The following POU2F1 variants were observed in gnomAD, a reference collection of about 807,000 sequenced individuals.
The protein encoded by POU2F1 is POU domain, class 2, transcription factor 1.
In POU2F1, 16 loss-of-function variants were observed where a neutral mutation model predicts 84.9. That is an observed-to-expected ratio of 0.19 (90% CI 0.13 to 0.29). The LOEUF is 0.29. POU2F1 is among the 10% of genes least tolerant of loss of function. The pLI is 1.00. For synonymous variants in POU2F1, 368 were observed against 368.3 expected (o/e 1.00, Z 0.01); for missense variants, 738 against 942.6 (o/e 0.78, Z 2.84).
chr1:167,400,185 A>G (rs777107032), intron 12 of POU2F1, among the ~76,000 whole-genome samples: 13 of 149,562 alleles, frequency 8.7e-5, no homozygotes, highest in African/African-American at 3.0e-4. Context: ...CCAGGGTTTC[A>G]TCATGTTCTC....
chr1:167,221,601 CG>C (rs953041903), intron 1 of POU2F1, among the ~76,000 whole-genome samples: 1 of 150,406 alleles, frequency 6.6e-6, no homozygotes, highest in African/African-American at 2.4e-5. Context: ...TCAGGGCAAC[CG>C]GGGGTGCGCG....
intron 1 of POU2F1, chr1:167,241,637 A>C (rs1430735936): frequency 6.6e-6 from 1 of 152,054 alleles, no homozygotes; most frequent in Non-Finnish European, 1.5e-5. Flanking sequence ...TTATTACTGT[A>C]CTTGCTTGTT....
At chr1:167,285,700 T>C (rs1179675897) in intron 1 of POU2F1, among the ~76,000 whole-genome samples, 1 of 152,226 alleles carries the variant, frequency 6.6e-6, no homozygotes, top group African/African-American at 2.4e-5. Context: ...GAATTAAATT[T>C]CTTCTCTGCC....
intron 1 of POU2F1, among the ~76,000 whole-genome samples, chr1:167,309,017 A>G (rs1453589689): frequency 6.6e-6 from 1 of 151,938 alleles, no homozygotes; most frequent in African/African-American, 2.4e-5. Context: ...CAGATTGTCT[A>G]AAATTTGGCT....
At chr1:167,345,998 C>CAA (rs34988697) in intron 2 of POU2F1, among the ~76,000 whole-genome samples, 15 of 124,062 alleles carry the variant, frequency 1.2e-4, no homozygotes, top group Non-Finnish European at 1.2e-4. Flanking sequence ...CGCATGTCTA[C>CAA]AAAAAAAAAA....
chr1:167,295,366 A>C (rs1378001883), intron 1 of POU2F1, among the ~76,000 whole-genome samples: 1 of 152,202 alleles, frequency 6.6e-6, no homozygotes, highest in Non-Finnish European at 1.5e-5. Flanking sequence ...GAACAAAATA[A>C]TGTCTTTTGC....
At chr1:167,352,604 A>G (rs1480171270) in intron 2 of POU2F1, among the ~76,000 whole-genome samples, 1 of 152,210 alleles carries the variant, frequency 6.6e-6, no homozygotes, top group Non-Finnish European at 1.5e-5. Context: ...TGGTTATTTC[A>G]GTGGAAGTAT....
At chr1:167,397,362 A>G (rs1648881519) in intron 10 of POU2F1, among the ~76,000 whole-genome samples, 1 of 152,210 alleles carries the variant, frequency 6.6e-6, no homozygotes, top group Non-Finnish European at 1.5e-5. Context: ...TTTTATCCCC[A>G]GAACTTATAA....
In POU2F1 at chr1:167,421,282, T is replaced by C. The variant is rs1263764308; in HGVS notation, c.*5472T>C. ...GCATGGATGGTGTCCACAATACAAA[T>C]GTAAACTTGGACAGGAATAGGATAA... On this transcript the variant is annotated 3_prime_UTR_variant, in exon 16 of 16. Transcript: ENST00000367866. The C allele has an allele frequency of 1.3e-5, 2 of 152,232 alleles. No individual in the cohort carries two copies. Among genetic ancestry groups the C allele is most frequent in the Non-Finnish European group, 2.9e-5 (2 of 68,038 alleles). The allele number at this position is 152,232 out of a possible 1,614,324, so 9.4% of individuals were successfully genotyped here.
intron 1 of POU2F1, among the ~76,000 whole-genome samples, chr1:167,321,750 G>A (rs545354413): frequency 2.6e-5 from 4 of 152,260 alleles, no homozygotes; most frequent in African/African-American, 7.2e-5. Flanking sequence ...CAGGAACTTT[G>A]TCTTTCTACT....
chr1:167,274,944 C>T (rs1280850353), intron 1 of POU2F1, among the ~76,000 whole-genome samples: 1 of 151,572 alleles, frequency 6.6e-6, no homozygotes, highest in African/African-American at 2.4e-5. Context: ...TCTTCTGAAA[C>T]ATACTACTTT....
At chr1:167,352,382 ACTTT>A (rs1202740401) in intron 2 of POU2F1, among the ~76,000 whole-genome samples, 2 of 152,326 alleles carry the variant, frequency 1.3e-5, no homozygotes, top group Non-Finnish European at 1.5e-5. Flanking sequence ...GAATTCTACT[ACTTT>A]GTCATCTTAT....
intron 7 of POU2F1, chr1:167,380,820 T>C (rs1269009164): frequency 2.6e-5 from 4 of 152,210 alleles, no homozygotes; most frequent in Non-Finnish European, 4.4e-5. Flanking sequence ...ATTGCTATGA[T>C]TATATAACTG....
chr1:167,223,631 T>G (rs1006467090), intron 1 of POU2F1, among the ~76,000 whole-genome samples: 2 of 152,180 alleles, frequency 1.3e-5, no homozygotes, highest in Non-Finnish European at 2.9e-5. Flanking sequence ...TGTAACAAAA[T>G]TCTAGGTTTG....
intron 1 of POU2F1, among the ~76,000 whole-genome samples, chr1:167,234,476 A>C (rs35719187): frequency 0.15 from 23,572 of 152,172 alleles, 2,075 homozygotes; most frequent in Non-Finnish European, 0.2. Context: ...TTATGCTTGT[A>C]ATCCCAGCAC....
intron 2 of POU2F1, among the ~76,000 whole-genome samples, chr1:167,335,877 C>T (rs530562165): frequency 6.6e-6 from 1 of 152,294 alleles, no homozygotes; most frequent in East Asian, 1.9e-4. Context: ...CCTAGTTATA[C>T]AGCTGATCAT....
intron 1 of POU2F1, among the ~76,000 whole-genome samples, chr1:167,245,085 T>A (rs924589092): frequency 2.0e-5 from 3 of 152,148 alleles, no homozygotes; most frequent in Non-Finnish European, 2.9e-5. Context: ...TAAAACTTTT[T>A]AAAAAAATCC....
chr1:167,357,801 A>ATT lies in POU2F1; in HGVS notation c.128-7646_128-7645dup, dbSNP rs71572451. 5.0e-3 allele frequency among the ~76,000 whole-genome samples: 597 copies of ATT among 119,206 alleles called. 6 individuals are homozygous for ATT. Among genetic ancestry groups the ATT allele is most frequent in the South Asian group, 0.01 (39 of 3,734 alleles). The allele number at this position is 119,206 out of a possible 152,430, so 78.2% of individuals were successfully genotyped here. A position where few individuals can be genotyped will look rare whatever the true frequency, so the allele number is the denominator to read the frequency against. ...TGAACTTGGTGAATCTTATTAATTG[A>ATT]TTTTTTTTTTTTTTTTTTTTTGAGA... On this transcript the variant is annotated intron_variant, in intron 2 of 15. Transcript: ENST00000367866.
At chr1:167,318,761 TGTGA>T (rs1265527960) in intron 1 of POU2F1, among the ~76,000 whole-genome samples, 2 of 152,202 alleles carry the variant, frequency 1.3e-5, no homozygotes, top group African/African-American at 4.8e-5. Context: ...TCTTTTCTCA[TGTGA>T]GTGAGATGGG....
Sources: gnomAD v4.1 joint callset for allele counts (sites outside exome capture counted in the v4.1 genomes callset) on GRCh38, gnomAD v4.1.1 for gene constraint, MANE v1.5 for transcripts, NCBI Gene and HGNC (gene_info 2026-07-23, HGNC 2026-07-21) for gene names.